Variants in SPIRE2 observed in about 807,000 individuals in gnomAD.
SPIRE2 encodes spire type actin nucleation factor 2, also known as protein spire homolog 2.
Under a neutral mutation model 80.7 loss-of-function variants are expected in SPIRE2, and 76 were observed. The observed-to-expected ratio is 0.94, with a 90% CI of 0.78 to 1.14. The LOEUF (loss-of-function observed/expected upper bound fraction) is 1.14. SPIRE2 is among the 50% of genes most tolerant of loss of function. The pLI, the probability that SPIRE2 is intolerant of heterozygous loss-of-function variation, is 0.00. For missense variants in SPIRE2, 1,196 were observed against 1,015.3 expected (o/e 1.18, Z -2.42); for synonymous variants, 535 against 432.6 (o/e 1.24, Z -2.94).
intron 12 of SPIRE2, among the ~76,000 whole-genome samples, chr16:89,866,731 C>T (rs1442246915): frequency 1.3e-5 from 2 of 152,016 alleles, no homozygotes; most frequent in South Asian, 2.1e-4. Flanking sequence ...GCCTCAGCCT[C>T]CCGAGTAGCT....
intron 1 of SPIRE2, chr16:89,836,452 C>G (rs768055727): frequency 3.2e-6 from 1 of 315,894 alleles, no homozygotes; most frequent in Admixed American, 3.9e-5. Flanking sequence ...TTGCGTCTCT[C>G]TCCATCCTCC....
At chr16:89,838,507 A>G (rs1218297972) in intron 1 of SPIRE2, among the ~76,000 whole-genome samples, 4 of 151,904 alleles carry the variant, frequency 2.6e-5, no homozygotes, top group Non-Finnish European at 5.9e-5. Context: ...ATGGTAGGTG[A>G]TTTCTCTGTT....
At chr16:89,865,098 C>G (rs944390538) in intron 12 of SPIRE2, among the ~76,000 whole-genome samples, 15 of 151,686 alleles carry the variant, frequency 9.9e-5, no homozygotes, top group African/African-American at 3.4e-4. Flanking sequence ...GCTCCGCCTC[C>G]TGAGTTCCCA....
chr16:89,864,280 G>C (rs2041769918), intron 12 of SPIRE2, among the ~76,000 whole-genome samples: 2 of 152,208 alleles, frequency 1.3e-5, no homozygotes, highest in South Asian at 4.1e-4. Context: ...AATCCAGGGA[G>C]ACCACAGCAG....
At chr16:89,869,739 T>C in intron 14 of SPIRE2, 57 bp downstream of exon 14, 1 of 1,384,864 alleles carries the variant, frequency 7.2e-7, no homozygotes, top group South Asian at 1.2e-5. Context: ...GAAGAGGAAC[T>C]TGGGAGCTGG....
chr16:89,851,799 C>G (rs536101302), intron 3 of SPIRE2, among the ~76,000 whole-genome samples: 1 of 152,098 alleles, frequency 6.6e-6, no homozygotes, highest in Non-Finnish European at 1.5e-5. Flanking sequence ...CCTCTTGCCT[C>G]GGTGGCAGAA....
chr16:89,838,018 A>G (rs2108838), intron 1 of SPIRE2, among the ~76,000 whole-genome samples: 100,669 of 151,376 alleles, frequency 0.67, 34,489 homozygotes, highest in East Asian at 0.98. Flanking sequence ...TTTTGTTTTT[A>G]TTTTTTTTTC....
At chr16:89,842,208 A>ATCTTTTTTTTTTTTTT (rs2041512449) in intron 1 of SPIRE2, among the ~76,000 whole-genome samples, 1 of 81,306 alleles carries the variant, frequency 1.2e-5, no homozygotes, top group Non-Finnish European at 2.1e-5. Flanking sequence ...TGAACACGTA[A>ATCTTTTTTTTTTTTTT]TTTTTTTTTT....
chr16:89,834,643 G>A (rs577228365), intron 1 of SPIRE2, among the ~76,000 whole-genome samples: 26 of 108,400 alleles, frequency 2.4e-4, no homozygotes, highest in South Asian at 6.9e-4. Flanking sequence ...GTAGAAGCCT[G>A]GATAAGCATA....
intron 1 of SPIRE2, among the ~76,000 whole-genome samples, chr16:89,842,126 C>T (rs994833742): frequency 8.6e-5 from 13 of 152,002 alleles, no homozygotes; most frequent in Admixed American, 3.3e-4. Context: ...CCCCAAGTCT[C>T]CCCCAGATAA....
At chr16:89,868,107 G>T (rs369554894) in intron 12 of SPIRE2, 82 bp from the exon 13 acceptor site, 1 of 1,498,248 alleles carries the variant, frequency 6.7e-7, no homozygotes, top group Non-Finnish European at 9.3e-7. Flanking sequence ...CCTCGGATGC[G>T]TGGAGGCCGG....
At chr16:89,841,191 A>G (rs1407952449) in intron 1 of SPIRE2, among the ~76,000 whole-genome samples, 1 of 151,852 alleles carries the variant, frequency 6.6e-6, no homozygotes, top group Non-Finnish European at 1.5e-5. Flanking sequence ...TTCAAAAAAA[A>G]AAAAAAAGGA....
rs1038523381 is a variant in SPIRE2, at chr16:89,850,508, G to T, written c.493G>T (p.Val165Leu). ...GGAGGCCGAGGGCGTCCCCCGCAGCGTGCGCACCTTTGCCCAGGCCATGCG... is the reference window on the plus strand; with the variant it reads ...GGAGGCCGAGGGCGTCCCCCGCAGCTTGCGCACCTTTGCCCAGGCCATGCG... ...EEEAEGVPRS[V>L]RTFAQAMRLC... Residue 165 changes from valine to leucine, a missense_variant, in exon 3 of 15, where the codon GTG (valine) becomes TTG (leucine). Val to Leu is a conservative substitution (Grantham distance 32). Coordinates refer to ENST00000378247, the MANE Select transcript of SPIRE2 (RefSeq NM_032451.2). The T allele has an allele frequency of 2.6e-6, 4 of 1,525,992 alleles. No individual in the cohort carries two copies. The African/African-American group carries it at 5.5e-5, about 21-fold the overall frequency. 94.5% of individuals were successfully genotyped at this position (1,525,992 alleles called of 1,614,324 possible).
chr16:89,838,813 G>T (rs949843446), intron 1 of SPIRE2, among the ~76,000 whole-genome samples: 2 of 152,142 alleles, frequency 1.3e-5, no homozygotes, highest in African/African-American at 4.8e-5. Context: ...GCACTCAGGG[G>T]CTCCCCTCTC....
intron 5 of SPIRE2, among the ~76,000 whole-genome samples, chr16:89,854,981 C>G (rs1163667486): frequency 6.6e-6 from 1 of 152,108 alleles, no homozygotes; most frequent in Non-Finnish European, 1.5e-5. Flanking sequence ...CTCTGTCGCC[C>G]AGGCTGGAGG....
In SPIRE2 at chr16:89,850,548, G is replaced by A. The variant is rs776774775; in HGVS notation, c.533G>A (p.Arg178Gln). 7.9e-6 allele frequency: 12 copies of A among 1,513,022 alleles called. No homozygotes were observed. In the East Asian group the frequency reaches 1.5e-4, roughly 19 times the overall value. The allele number at this position is 1,513,022 out of a possible 1,614,324, so 93.7% of individuals were successfully genotyped here. A position where few individuals can be genotyped will look rare whatever the true frequency, so the allele number is the denominator to read the frequency against. The change falls in exon 3 of 15, where the codon CGG (arginine) becomes CAG (glutamine). Residue 178 changes from arginine to glutamine, a missense_variant. By Grantham distance (43) the Arg-to-Gln change is conservative. Coordinates refer to ENST00000378247, the MANE Select transcript of SPIRE2 (RefSeq NM_032451.2). ...FAQAMRLCAARLTDPRGAQAH... is the reference protein window; with the variant it reads ...FAQAMRLCAAQLTDPRGAQAH... ...CAGGCCATGCGGCTGTGCGCGGCGC[G>A]GCTGACCGACCCCCGGGGCGCACAG...
At chr16:89,837,220 A>G (rs2041458813) in intron 1 of SPIRE2, among the ~76,000 whole-genome samples, 1 of 152,124 alleles carries the variant, frequency 6.6e-6, no homozygotes, top group South Asian at 2.1e-4. Context: ...CAGCCTGAGA[A>G]TCTGCATCTG....
chr16:89,853,426 T>C (rs1417285443), intron 3 of SPIRE2, among the ~76,000 whole-genome samples: 5 of 152,196 alleles, frequency 3.3e-5, no homozygotes, highest in Non-Finnish European at 7.4e-5. Context: ...GCTGTGTCTG[T>C]TGGCATTTTG....
At chr16:89,842,500 A>C (rs1264133301) in intron 1 of SPIRE2, among the ~76,000 whole-genome samples, 1 of 152,184 alleles carries the variant, frequency 6.6e-6, no homozygotes, top group African/African-American at 2.4e-5. Flanking sequence ...GGCGTGAGCC[A>C]CCGTGCCCGG....
Sources: gnomAD v4.1 joint callset for allele counts (sites outside exome capture counted in the v4.1 genomes callset) on GRCh38, gnomAD v4.1.1 for gene constraint, MANE v1.5 for transcripts, NCBI Gene and HGNC (gene_info 2026-07-23, HGNC 2026-07-21) for gene names.